Variants in MSRA observed in about 807,000 individuals in gnomAD.
The protein encoded by MSRA is mitochondrial peptide methionine sulfoxide reductase.
Under a neutral mutation model 31.3 loss-of-function variants are expected in MSRA, and 54 were observed. The observed-to-expected ratio is 1.73, with a 90% confidence interval of 1.39 to 2.17. The LOEUF (loss-of-function observed/expected upper bound fraction) is 2.17, where lower values mean the gene tolerates loss of function less well. MSRA is among the 30% of genes most tolerant of loss of function. MSRA has a pLI of 0.00. For synonymous variants in MSRA, 169 were observed against 116.5 expected, an observed-to-expected ratio of 1.45 and a Z score of -2.90; for missense variants, 507 against 300.9, an observed-to-expected ratio of 1.69 and a Z score of -5.07.
In MSRA at chr8:10,054,425, C is replaced by G; in HGVS notation, c.-92C>G. On this transcript the variant is annotated 5_prime_UTR_variant, in exon 1 of 6. Coordinates refer to ENST00000317173, the MANE Select transcript of MSRA (RefSeq NM_012331.5). ...CCCGCGCCCCTGCCGCCCCCCGGTT[C>G]CGGCCGCGGACCCCACTCTCTGCCG... is the stretch of plus-strand genomic sequence containing the variant. 2.2e-6 allele frequency: 1 copy of G among 455,138 alleles called. No individual in the cohort carries two copies. The highest frequency in any genetic ancestry group is 3.3e-6 in the Non-Finnish European group (1 of 305,334). 28.2% of individuals were successfully genotyped at this position (455,138 alleles called of 1,614,324 possible).
chr8:10,255,291 T>A (rs1050185446), intron 3 of MSRA, among the ~76,000 whole-genome samples: 2 of 152,220 alleles, frequency 1.3e-5, no homozygotes, highest in African/African-American at 4.8e-5. Context: ...GAGGAGGCTG[T>A]GCAGAGGGAA....
chr8:10,338,490 C>T (rs1274379591), intron 5 of MSRA, among the ~76,000 whole-genome samples: 2 of 152,134 alleles, frequency 1.3e-5, no homozygotes, highest in African/African-American at 4.8e-5. Context: ...GCACATTTAA[C>T]ACGTCTCACC....
chr8:10,322,076 G>C (rs1802075092), intron 5 of MSRA, among the ~76,000 whole-genome samples: 1 of 152,084 alleles, frequency 6.6e-6, no homozygotes, highest in Non-Finnish European at 1.5e-5. Context: ...GGGCATTTAT[G>C]GTGGTGGTTA....
chr8:10,174,268 G>A lies in MSRA; in HGVS notation c.143-33565G>A, dbSNP rs574493564. Reference sequence around the variant, plus strand: ...AACTTTGTAAAGAGAGAGAAGATATGAAGGACACAGATAGAGGAGCTTGCT... The same window carrying A: ...AACTTTGTAAAGAGAGAGAAGATATAAAGGACACAGATAGAGGAGCTTGCT... On this transcript the variant is annotated intron_variant, in intron 1 of 5. Coordinates refer to ENST00000317173, the MANE Select transcript of MSRA (RefSeq NM_012331.5). 2.6e-5 allele frequency among the ~76,000 whole-genome samples: 4 copies of A among 152,246 alleles called. No homozygotes were observed. In the South Asian group the frequency reaches 8.3e-4, roughly 32 times the overall value.
intron 5 of MSRA, among the ~76,000 whole-genome samples, chr8:10,408,355 G>A (rs537509009): frequency 3.7e-4 from 57 of 152,144 alleles, no homozygotes; most frequent in Admixed American, 2.4e-3. Flanking sequence ...TGGGCAATGC[G>A]GTGAAACCCT....
intron 5 of MSRA, among the ~76,000 whole-genome samples, chr8:10,335,260 T>G (rs954507860): frequency 6.8e-6 from 1 of 147,860 alleles, no homozygotes; most frequent in Non-Finnish European, 1.5e-5. Context: ...GTTTTTTTTT[T>G]TTTTTTTTTT....
intron 1 of MSRA, among the ~76,000 whole-genome samples, chr8:10,134,689 C>G (rs892007340): frequency 2.6e-4 from 39 of 152,230 alleles, no homozygotes; most frequent in Admixed American, 1.1e-3. Flanking sequence ...TGACAGGAAA[C>G]AGTCCGACTG....
chr8:10,184,656 G>A (rs932501743), intron 1 of MSRA, among the ~76,000 whole-genome samples: 4 of 152,104 alleles, frequency 2.6e-5, no homozygotes, highest in Non-Finnish European at 5.9e-5. Flanking sequence ...AGCTTGCCTC[G>A]TCCATCTCCC....
At chr8:10,080,626 C>A (rs575329296) in intron 1 of MSRA, among the ~76,000 whole-genome samples, 1 of 151,984 alleles carries the variant, frequency 6.6e-6, no homozygotes, top group Non-Finnish European at 1.5e-5. Flanking sequence ...TCTGGGCTCA[C>A]GCAATCCTCC....
chr8:10,413,357 G>C (rs770479364), intron 5 of MSRA, among the ~76,000 whole-genome samples: 2 of 152,306 alleles, frequency 1.3e-5, no homozygotes, highest in Middle Eastern at 3.4e-3. Context: ...ACCTGAAAGA[G>C]AAGACAGACT....
chr8:10,122,852 C>G (rs767436956), intron 1 of MSRA, among the ~76,000 whole-genome samples: 1 of 152,140 alleles, frequency 6.6e-6, no homozygotes, highest in African/African-American at 2.4e-5. Flanking sequence ...CATGTTGCTG[C>G]GAAAGACATG....
At chr8:10,145,180 C>A (rs1803036113) in intron 1 of MSRA, among the ~76,000 whole-genome samples, 1 of 152,178 alleles carries the variant, frequency 6.6e-6, no homozygotes, top group African/African-American at 2.4e-5. Flanking sequence ...ACAGGCAGGG[C>A]CTATGCAGTG....
intron 5 of MSRA, among the ~76,000 whole-genome samples, chr8:10,408,503 A>G (rs1416525193): frequency 1.3e-5 from 2 of 152,170 alleles, no homozygotes; most frequent in Admixed American, 6.5e-5. Context: ...GCATACCACT[A>G]CAATCCAGCC....
intron 1 of MSRA, among the ~76,000 whole-genome samples, chr8:10,130,276 T>C (rs938616132): frequency 6.6e-6 from 1 of 152,242 alleles, no homozygotes; most frequent in Non-Finnish European, 1.5e-5. Flanking sequence ...AGACTGCTCA[T>C]TATTCTATCA....
intron 1 of MSRA, among the ~76,000 whole-genome samples, chr8:10,124,747 ATTTTTTTTTGGTTGAGTTAAACATT>A (rs1563123760): frequency 6.6e-6 from 1 of 151,398 alleles, no homozygotes; most frequent in African/African-American, 2.4e-5. Flanking sequence ...TGCAGAGATG[ATTTTTTTTTGGTTGAGTTAAACATT>A]TTTATGGATT....
At chr8:10,416,735 T>C (rs1808483521) in intron 5 of MSRA, among the ~76,000 whole-genome samples, 1 of 152,206 alleles carries the variant, frequency 6.6e-6, no homozygotes, top group African/African-American at 2.4e-5. Flanking sequence ...TCACATGGGA[T>C]TCGGTACGTC....
intron 1 of MSRA, among the ~76,000 whole-genome samples, chr8:10,182,196 C>G (rs1045583220): frequency 6.6e-6 from 1 of 152,142 alleles, no homozygotes; most frequent in Non-Finnish European, 1.5e-5. Context: ...TTTCCTGATT[C>G]CTGACCCCAA....
intron 5 of MSRA, among the ~76,000 whole-genome samples, chr8:10,413,255 G>T (rs1335137641): frequency 1.3e-5 from 2 of 152,192 alleles, no homozygotes; most frequent in South Asian, 4.1e-4. Flanking sequence ...CCTCAGCAAA[G>T]GTAGGAGTCT....
intron 5 of MSRA, among the ~76,000 whole-genome samples, chr8:10,352,624 A>G (rs1563383922): frequency 6.6e-6 from 1 of 152,140 alleles, no homozygotes. Context: ...TGTCTCGGTA[A>G]AATGCTCCCT....
Sources: gnomAD v4.1 joint callset for allele counts (sites outside exome capture counted in the v4.1 genomes callset) on GRCh38, gnomAD v4.1.1 for gene constraint, MANE v1.5 for transcripts, NCBI Gene and HGNC (gene_info 2026-07-23, HGNC 2026-07-21) for gene names.